GABRA3: variants seen among roughly 807,000 people sequenced by gnomAD.
GABRA3 encodes gamma-aminobutyric acid type A receptor subunit alpha3.
A neutral mutation model predicts 30.1 loss-of-function variants in GABRA3; 10 were observed. The observed-to-expected ratio is 0.33, with a 90% CI of 0.20 to 0.56. The LOEUF is 0.56. GABRA3 is among the 20% of genes least tolerant of loss of function. The probability of loss-of-function intolerance (pLI) is 0.89; values close to 1 mark genes in which losing one functional copy is unlikely to be tolerated. For synonymous variants in GABRA3, 151 were observed against 146.8 expected, an observed-to-expected ratio of 1.03 and a Z score of -0.21; for missense variants, 233 against 392.0, an observed-to-expected ratio of 0.59 and a Z score of 3.42.
At chrX:152,295,006 GC>G (rs1939500226) in intron 3 of GABRA3, among the ~76,000 whole-genome samples, 1 of 111,391 alleles carries the variant, frequency 9.0e-6, no homozygotes, top group South Asian at 3.8e-4. Flanking sequence ...ACCAGTGGAG[GC>G]TGCAGAACAG....
chrX:152,295,480 C>T (rs1279336292), intron 3 of GABRA3, among the ~76,000 whole-genome samples: 2 of 113,051 alleles, frequency 1.8e-5, no homozygotes, highest in Non-Finnish European at 3.7e-5. Context: ...AGCAAGGCTC[C>T]GTGGGCATGG....
At chrX:152,446,510 T>C (rs1157711302) in intron 1 of GABRA3, among the ~76,000 whole-genome samples, 2 of 109,322 alleles carry the variant, frequency 1.8e-5, no homozygotes, top group Admixed American at 9.7e-5. Flanking sequence ...TGACTTTTTC[T>C]CCTTTGTAGC....
At chrX:152,353,100 G>A (rs1396123194) in intron 2 of GABRA3, among the ~76,000 whole-genome samples, 1 of 110,329 alleles carries the variant, frequency 9.1e-6, no homozygotes, top group African/African-American at 3.3e-5. Context: ...ACCTGATTTT[G>A]GCTAGAATAC....
At chrX:152,287,697 C>A (rs967001892) in intron 3 of GABRA3, among the ~76,000 whole-genome samples, 1 of 111,094 alleles carries the variant, frequency 9.0e-6, no homozygotes, top group African/African-American at 3.3e-5. Flanking sequence ...TGATGGCAAT[C>A]CCAACTCTAA....
chrX:152,324,026 GCCTTATTAAAGGAACTTAATAAATGAA>G (rs1940013043), intron 3 of GABRA3, among the ~76,000 whole-genome samples: 1 of 112,149 alleles, frequency 8.9e-6, no homozygotes, highest in Non-Finnish European at 1.9e-5. Flanking sequence ...CAGAGTATCT[GCCTTATTAAAGGAACTTAATAAATGAA>G]TTAATTAATG....
At chrX:152,237,038 G>C (rs1938234117) in intron 5 of GABRA3, among the ~76,000 whole-genome samples, 1 of 109,020 alleles carries the variant, frequency 9.2e-6, no homozygotes, top group Non-Finnish European at 1.9e-5. Flanking sequence ...TGTTGCCATT[G>C]CTTTTGGTGT....
intron 1 of GABRA3, among the ~76,000 whole-genome samples, chrX:152,401,902 T>C (rs1929805636): frequency 8.9e-6 from 1 of 111,857 alleles, no homozygotes; most frequent in African/African-American, 3.3e-5. Context: ...TATAGCTCTC[T>C]GAAGAGCAAA....
At chrX:152,175,881 G>A (rs1177579936) in intron 9 of GABRA3, among the ~76,000 whole-genome samples, 2 of 109,369 alleles carry the variant, frequency 1.8e-5, no homozygotes, top group East Asian at 2.9e-4. Context: ...TGGCTAACAC[G>A]GTGAAACCCA....
At chrX:152,423,296 G>A (rs1005720981) in intron 1 of GABRA3, among the ~76,000 whole-genome samples, 2 of 111,487 alleles carry the variant, frequency 1.8e-5, no homozygotes, top group Non-Finnish European at 3.8e-5. Context: ...TGACCCTTGC[G>A]CATGAATTAG....
At chrX:152,438,808 G>C (rs1003540446) in intron 1 of GABRA3, among the ~76,000 whole-genome samples, 8 of 111,748 alleles carry the variant, frequency 7.2e-5, no homozygotes, top group African/African-American at 2.6e-4. Flanking sequence ...GTGGTTGCTA[G>C]AGGTTCAGGC....
At chrX:152,228,587 A>C (rs1440054559) in intron 5 of GABRA3, among the ~76,000 whole-genome samples, 1 of 111,437 alleles carries the variant, frequency 9.0e-6, no homozygotes, top group Non-Finnish European at 1.9e-5. Context: ...TTTCTTTATT[A>C]AACTCTCATG....
intron 5 of GABRA3, among the ~76,000 whole-genome samples, chrX:152,232,855 T>C (rs1938112205): frequency 9.0e-6 from 1 of 110,674 alleles, no homozygotes; most frequent in Admixed American, 9.7e-5. Context: ...CTGAAACAAA[T>C]GGAGCTACTA....
At chrX:152,205,009 C>T (rs1057482315) in intron 7 of GABRA3, among the ~76,000 whole-genome samples, 5 of 111,759 alleles carry the variant, frequency 4.5e-5, no homozygotes, top group African/African-American at 1.6e-4. Flanking sequence ...TGTGCACGCA[C>T]GCGTGTGTGT....
At chrX:152,346,718 GACAA>G (rs968881529) in intron 2 of GABRA3, among the ~76,000 whole-genome samples, 11 of 112,100 alleles carry the variant, frequency 9.8e-5, no homozygotes, top group Admixed American at 6.6e-4. Context: ...ACATACAAAT[GACAA>G]ACAGGCATAT....
At chrX:152,368,995 G>A (rs968759171) in intron 1 of GABRA3, among the ~76,000 whole-genome samples, 3 of 111,349 alleles carry the variant, frequency 2.7e-5, no homozygotes, top group Non-Finnish European at 5.7e-5. Context: ...GTAAGCCACC[G>A]CGCTAGGCCC....
At chrX:152,199,244 T>C (rs1221571752) in intron 7 of GABRA3, among the ~76,000 whole-genome samples, 2 of 104,974 alleles carry the variant, frequency 1.9e-5, no homozygotes, top group African/African-American at 3.4e-5. Context: ...CGGGCACCTG[T>C]AGTCCCAGAT....
At chrX:152,185,810 G>A (rs188524341) in intron 9 of GABRA3, among the ~76,000 whole-genome samples, 3 of 112,212 alleles carry the variant, frequency 2.7e-5, no homozygotes, top group South Asian at 3.7e-4. Context: ...CAGAGTTGTA[G>A]CACAAAGTAG....
chrX:152,431,055 A>G (rs1469473413), intron 1 of GABRA3, among the ~76,000 whole-genome samples: 5 of 112,228 alleles, frequency 4.5e-5, no homozygotes, highest in African/African-American at 9.7e-5. Flanking sequence ...AACCTACAAC[A>G]GTGTTAGAAC....
intron 2 of GABRA3, among the ~76,000 whole-genome samples, chrX:152,360,274 G>A (rs1194345482): frequency 1.6e-5 from 1 of 61,733 alleles, no homozygotes; most frequent in African/African-American, 6.4e-5. Context: ...CTAGTTTACA[G>A]TCCCACCAAC....
Sources: gnomAD v4.1 joint callset for allele counts (sites outside exome capture counted in the v4.1 genomes callset) on GRCh38, gnomAD v4.1.1 for gene constraint, MANE v1.5 for transcripts, NCBI Gene and HGNC (gene_info 2026-07-23, HGNC 2026-07-21) for gene names.